RPS6KC1: variants seen among roughly 807,000 people sequenced by gnomAD.
RPS6KC1 encodes the protein inactive ribosomal protein S6 kinase delta-1.
A neutral mutation model predicts 103.8 loss-of-function variants in RPS6KC1; 54 were observed. The observed-to-expected ratio is 0.52, with a 90% CI of 0.42 to 0.65. The LOEUF is 0.65. Ranked by LOEUF, RPS6KC1 falls within the 30% of genes least tolerant of loss-of-function variation. The pLI is 0.00. For missense variants in RPS6KC1, 1,151 were observed against 1,253.8 expected (o/e 0.92, Z 1.24); for synonymous variants, 439 against 438.7 (o/e 1.00, Z -0.01).
chr1:213,151,243 ACGGGGCGGCTGGCCGGG>A (rs1558424132), intron 6 of RPS6KC1, among the ~76,000 whole-genome samples: 89 of 109,850 alleles, frequency 8.1e-4, no homozygotes, highest in Non-Finnish European at 1.4e-3. Flanking sequence ...TCCCTCCCGG[ACGGGGCGGCTGGCCGGG>A]CAGAGGGGCT....
chr1:213,329,052 G>GT, the RPS6KC1 span, among the ~76,000 whole-genome samples: 1 of 152,040 alleles, frequency 6.6e-6, no homozygotes, highest in Non-Finnish European at 1.5e-5. Flanking sequence ...AAGTGAAGAC[G>GT]TTTTTTTCTG....
chr1:213,326,597 T>G, the RPS6KC1 span, among the ~76,000 whole-genome samples: 1 of 152,244 alleles, frequency 6.6e-6, no homozygotes, highest in African/African-American at 2.4e-5. Context: ...TTCCCTTCCC[T>G]GTTTCCTCTT....
At chr1:213,713,059 A>T in the RPS6KC1 span, among the ~76,000 whole-genome samples, 2 of 152,218 alleles carry the variant, frequency 1.3e-5, no homozygotes, top group African/African-American at 4.8e-5. Context: ...GGCCCAGATC[A>T]GTGGAGACTT....
the RPS6KC1 span, among the ~76,000 whole-genome samples, chr1:213,483,517 A>G: frequency 6.6e-6 from 1 of 152,240 alleles, no homozygotes; most frequent in Admixed American, 6.5e-5. Context: ...TTGATGATTC[A>G]TATAGCAAGT....
At chr1:213,705,976 C>G in the RPS6KC1 span, among the ~76,000 whole-genome samples, 6 of 152,198 alleles carry the variant, frequency 3.9e-5, no homozygotes, top group East Asian at 1.2e-3. Context: ...CAAAGTCCTC[C>G]TTGCTCTTCC....
chr1:213,386,383 G>A, the RPS6KC1 span, among the ~76,000 whole-genome samples: 1 of 152,272 alleles, frequency 6.6e-6, no homozygotes, highest in South Asian at 2.1e-4. Context: ...AAAGACATTC[G>A]GTTTCCTCAT....
At chr1:213,772,376 C>T in the RPS6KC1 span, among the ~76,000 whole-genome samples, 424 of 152,302 alleles carry the variant, frequency 2.8e-3, 1 homozygote, top group Middle Eastern at 0.01. Context: ...ACATTAACTC[C>T]CACAATGTCG....
At chr1:213,232,329 T>A in intron 10 of RPS6KC1, 74 bp downstream of exon 10, 1 of 1,558,790 alleles carries the variant, frequency 6.4e-7, no homozygotes, top group Non-Finnish European at 8.8e-7. Context: ...CTCTGTCATT[T>A]CATGAGCAGA....
chr1:213,053,908 C>T (rs1034267757), intron 1 of RPS6KC1, among the ~76,000 whole-genome samples: 1 of 151,862 alleles, frequency 6.6e-6, no homozygotes, highest in African/African-American at 2.4e-5. Context: ...GCTATCTCAG[C>T]TTACAGTAAC....
chr1:213,196,794 A>G (rs2092963766), intron 8 of RPS6KC1, among the ~76,000 whole-genome samples: 1 of 151,912 alleles, frequency 6.6e-6, no homozygotes, highest in Non-Finnish European at 1.5e-5. Flanking sequence ...TTGGCTGTAA[A>G]TATTTGGCTT....
At chr1:213,215,817 C>G (rs938142155) in intron 8 of RPS6KC1, among the ~76,000 whole-genome samples, 9 of 152,148 alleles carry the variant, frequency 5.9e-5, no homozygotes, top group African/African-American at 2.2e-4. Flanking sequence ...ACTTTAAAGA[C>G]AAGCAAATGC....
At chr1:213,473,242 C>T in the RPS6KC1 span, among the ~76,000 whole-genome samples, 1 of 152,246 alleles carries the variant, frequency 6.6e-6, no homozygotes, top group Non-Finnish European at 1.5e-5. Flanking sequence ...CCTTGATGCT[C>T]ATAGTCAGGC....
At chr1:213,592,193 G>C in the RPS6KC1 span, among the ~76,000 whole-genome samples, 1 of 152,158 alleles carries the variant, frequency 6.6e-6, no homozygotes, top group Admixed American at 6.5e-5. Flanking sequence ...GAGTTACTGG[G>C]TGGAAGGAAA....
At chr1:213,366,985 T>C in the RPS6KC1 span, among the ~76,000 whole-genome samples, 524 of 152,362 alleles carry the variant, frequency 3.4e-3, 3 homozygotes, top group African/African-American at 0.012. Context: ...GAGGTCGTAG[T>C]CTTCAAGTCT....
intron 1 of RPS6KC1, among the ~76,000 whole-genome samples, chr1:213,054,754 T>A (rs949921414): frequency 1.1e-4 from 17 of 152,210 alleles, no homozygotes; most frequent in Admixed American, 1.0e-3. Flanking sequence ...TTGAGGCCAG[T>A]TGCAAGCATA....
rs1253877167 is a variant in RPS6KC1, at chr1:213,129,760, AAG to A, written c.712_713del (p.Asp238LeufsTer22). ...TGGCAGTTTAAAGCCGAAGCTTGGC[AAG>A]AGAGATTATTTGGAGAAAGCAGGAG... ...FPGSLKPKLG[K>X]RDYLEKAGEL... On this transcript the variant is annotated frameshift_variant, in exon 6 of 15. Coordinates refer to ENST00000366960, the MANE Select transcript of RPS6KC1 (RefSeq NM_012424.6). LOFTEE classifies it high-confidence loss of function. 1.2e-6 allele frequency: 2 copies of A among 1,613,992 alleles called. No homozygotes were observed. Among genetic ancestry groups the A allele is most frequent in the African/African-American group, 2.7e-5 (2 of 74,934 alleles).
chr1:213,507,708 G>T, the RPS6KC1 span, among the ~76,000 whole-genome samples: 1 of 152,220 alleles, frequency 6.6e-6, no homozygotes, highest in Middle Eastern at 3.4e-3. Context: ...CACAATAGCT[G>T]TCTCAAGTAT....
At chr1:213,777,373 T>C in the RPS6KC1 span, among the ~76,000 whole-genome samples, 2 of 152,148 alleles carry the variant, frequency 1.3e-5, no homozygotes, top group African/African-American at 4.8e-5. Flanking sequence ...AATTTCAATA[T>C]TGTTGTTTCT....
At chr1:213,558,570 C>T in the RPS6KC1 span, among the ~76,000 whole-genome samples, 3 of 152,220 alleles carry the variant, frequency 2.0e-5, no homozygotes, top group Non-Finnish European at 2.9e-5. Flanking sequence ...GAGTCTTCTA[C>T]GTGACTCTTC....
Sources: gnomAD v4.1 joint callset for allele counts (sites outside exome capture counted in the v4.1 genomes callset) on GRCh38, gnomAD v4.1.1 for gene constraint, MANE v1.5 for transcripts, NCBI Gene and HGNC (gene_info 2026-07-23, HGNC 2026-07-21) for gene names.